PWWP2A: variants seen among roughly 807,000 people sequenced by gnomAD.
PWWP2A encodes the protein PWWP domain-containing protein 2A.
In PWWP2A, 18 loss-of-function variants were observed where a neutral mutation model predicts 48.5. The observed-to-expected ratio is 0.37, with a 90% CI of 0.26 to 0.55. The LOEUF (loss-of-function observed/expected upper bound fraction) is 0.55. Ranked by LOEUF, PWWP2A falls within the 20% of genes least tolerant of loss-of-function variation. The pLI is 0.81. For missense variants in PWWP2A, 867 were observed against 976.4 expected, an observed-to-expected ratio of 0.89 and a Z score of 1.49; for synonymous variants, 396 against 387.7, an observed-to-expected ratio of 1.02 and a Z score of -0.25.
chr5:160,108,798 T>C (rs905827871), intron 1 of PWWP2A, among the ~76,000 whole-genome samples: 7 of 152,190 alleles, frequency 4.6e-5, no homozygotes, highest in African/African-American at 1.4e-4. Context: ...AATTCTGAAA[T>C]ACAGCTAGCT....
At position 160,062,487 on chromosome 5, in the gene PWWP2A, C is replaced by T. The variant is rs546070321; in HGVS notation, c.*369-394G>A. On this transcript the variant is annotated intron_variant and NMD_transcript_variant, in intron 5 of 5. Transcript: ENST00000524050. ...CCTCCGTCTTTTGGGTCTGCCTCCC[C>T]ACTAGACTGAGCATTGTGCATAGAA... Among the ~76,000 whole-genome samples the T allele has an allele frequency of 1.4e-3, 207 of 152,352 alleles. 1 individual carries two copies. The highest frequency in any genetic ancestry group is 4.8e-3 in the African/African-American group (199 of 41,584).
chr5:160,100,899 G>C (rs1756206490), intron 1 of PWWP2A, among the ~76,000 whole-genome samples: 1 of 152,212 alleles, frequency 6.6e-6, no homozygotes, highest in Non-Finnish European at 1.5e-5. Context: ...CAAAAGAATT[G>C]AAAGCAGGAT....
chr5:160,062,693 C>T (rs1306865268), intron 5 of PWWP2A, among the ~76,000 whole-genome samples: 1 of 152,210 alleles, frequency 6.6e-6, no homozygotes, highest in African/African-American at 2.4e-5. Context: ...GGAGCTGCCC[C>T]TCCTCAGGAG....
chr5:160,060,900 A>G (rs1753366241), downstream of PWWP2A, among the ~76,000 whole-genome samples: 1 of 152,226 alleles, frequency 6.6e-6, no homozygotes, highest in Non-Finnish European at 1.5e-5. Context: ...CATTGTAGAA[A>G]TTTTAATGTT....
chr5:160,102,156 G>A (rs1756382160), intron 1 of PWWP2A, among the ~76,000 whole-genome samples: 1 of 144,254 alleles, frequency 6.9e-6, no homozygotes, highest in Non-Finnish European at 1.5e-5. Flanking sequence ...GCTCACGCTT[G>A]TAACACTTTG....
intron 1 of PWWP2A, among the ~76,000 whole-genome samples, chr5:160,103,132 G>A (rs563533963): frequency 1.3e-4 from 20 of 152,260 alleles, no homozygotes; most frequent in African/African-American, 4.8e-4. Context: ...TTTACATAGA[G>A]AATGACAAAT....
chr5:160,100,200 C>A (rs923373144), intron 1 of PWWP2A, among the ~76,000 whole-genome samples: 1 of 151,982 alleles, frequency 6.6e-6, no homozygotes. Context: ...ACTGGGGAGG[C>A]TCAGGCAGGA....
downstream of PWWP2A, among the ~76,000 whole-genome samples, chr5:160,072,627 G>A (rs1338632309): frequency 1.3e-5 from 2 of 152,220 alleles, no homozygotes. Context: ...CTACTCAGGA[G>A]GCTGAGGCAG....
At chr5:160,112,294 C>T (rs1478093071) in intron 1 of PWWP2A, among the ~76,000 whole-genome samples, 1 of 152,090 alleles carries the variant, frequency 6.6e-6, no homozygotes, top group Non-Finnish European at 1.5e-5. Flanking sequence ...GATCTCGGCT[C>T]ACTGCAGCCT....
chr5:160,058,928 T>C (rs13171202), downstream of PWWP2A, among the ~76,000 whole-genome samples: 391 of 152,296 alleles, frequency 2.6e-3, 1 homozygote, highest in Admixed American at 6.3e-3. Flanking sequence ...AGGCTTAAAA[T>C]GCTCAGTAAA....
chr5:160,110,145 C>T (rs1160852720), intron 1 of PWWP2A, among the ~76,000 whole-genome samples: 6 of 151,264 alleles, frequency 4.0e-5, no homozygotes, highest in Non-Finnish European at 7.4e-5. Flanking sequence ...CTCAGCCTCC[C>T]GAGTAGCTGG....
chr5:160,067,629 A>G (rs914877721), intron 2 of PWWP2A, among the ~76,000 whole-genome samples: 3 of 152,194 alleles, frequency 2.0e-5, no homozygotes, highest in African/African-American at 7.2e-5. Flanking sequence ...CACAAGGCCA[A>G]TATTACATGC....
At chr5:160,047,205 T>C in the PWWP2A span, among the ~76,000 whole-genome samples, 1 of 152,170 alleles carries the variant, frequency 6.6e-6, no homozygotes, top group African/African-American at 2.4e-5. Flanking sequence ...TGCAAAGTTC[T>C]TTCTTCTTGG....
At chr5:160,086,110 C>T (rs534398145) in intron 2 of PWWP2A, among the ~76,000 whole-genome samples, 8 of 152,306 alleles carry the variant, frequency 5.3e-5, no homozygotes, top group Admixed American at 4.6e-4. Context: ...TGGGCCATCG[C>T]GCCCGGCCTT....
chr5:160,117,681 G>C (rs1002177395), intron 1 of PWWP2A: 3 of 154,856 alleles, frequency 1.9e-5, no homozygotes, highest in Non-Finnish European at 4.2e-5. Flanking sequence ...AGATATTTGA[G>C]ATTAAATAAT....
intron 1 of PWWP2A, among the ~76,000 whole-genome samples, chr5:160,095,067 A>G (rs1243931930): frequency 1.3e-5 from 2 of 148,832 alleles, no homozygotes; most frequent in Non-Finnish European, 3.0e-5. Flanking sequence ...AAAAAAAAAA[A>G]AAAAAAAAAA....
chr5:160,062,762 C>T (rs770186910), intron 5 of PWWP2A, among the ~76,000 whole-genome samples: 9 of 152,078 alleles, frequency 5.9e-5, no homozygotes, highest in Non-Finnish European at 1.0e-4. Context: ...ATCACAAGAG[C>T]CAAGGATTTC....
chr5:160,083,693 T>A (rs1754410454), intron 2 of PWWP2A, among the ~76,000 whole-genome samples: 1 of 152,192 alleles, frequency 6.6e-6, no homozygotes, highest in African/African-American at 2.4e-5. Context: ...GTGTGGGGCA[T>A]CTGAGATGGT....
At chr5:160,106,574 T>C (rs1429704805) in intron 1 of PWWP2A, among the ~76,000 whole-genome samples, 2 of 152,130 alleles carry the variant, frequency 1.3e-5, no homozygotes, top group African/African-American at 2.4e-5. Flanking sequence ...AAATTAAGTA[T>C]TATAGGGATT....
Sources: gnomAD v4.1 joint callset for allele counts (sites outside exome capture counted in the v4.1 genomes callset) on GRCh38, gnomAD v4.1.1 for gene constraint, MANE v1.5 for transcripts, NCBI Gene and HGNC (gene_info 2026-07-23, HGNC 2026-07-21) for gene names.